Variants in DDHD1 observed in about 807,000 individuals in gnomAD.
DDHD1 encodes the protein DDHD domain containing 1.
DDHD1 carries 49 observed loss-of-function variants against 96.4 expected under a neutral mutation model. That is an observed-to-expected ratio of 0.51 (90% CI 0.40 to 0.64). The LOEUF (loss-of-function observed/expected upper bound fraction) is 0.64. DDHD1 is among the 30% of genes least tolerant of loss of function. The probability of loss-of-function intolerance (pLI) is 0.00; values close to 1 mark genes in which losing one functional copy is unlikely to be tolerated. For missense variants in DDHD1, 1,106 were observed against 1,161.2 expected (o/e 0.95, Z 0.69); for synonymous variants, 442 against 446.5 (o/e 0.99, Z 0.13).
chr14:53,064,200 A>T (rs1332196372), intron 6 of DDHD1, among the ~76,000 whole-genome samples: 1 of 152,098 alleles, frequency 6.6e-6, no homozygotes, highest in African/African-American at 2.4e-5. Flanking sequence ...CCAATCCTTA[A>T]AATTTCATTA....
chr14:53,075,631 A>G (rs1884890093), intron 4 of DDHD1, among the ~76,000 whole-genome samples: 1 of 152,200 alleles, frequency 6.6e-6, no homozygotes. Context: ...TACACTAAAC[A>G]ACATATTCTC....
At chr14:53,134,573 C>T (rs531878911) in intron 1 of DDHD1, among the ~76,000 whole-genome samples, 1 of 149,542 alleles carries the variant, frequency 6.7e-6, no homozygotes, top group Admixed American at 6.7e-5. Flanking sequence ...CCAGAACCAC[C>T]GAGGCCTCGA....
At chr14:53,064,675 A>G (rs1883870597) in intron 6 of DDHD1, among the ~76,000 whole-genome samples, 1 of 152,142 alleles carries the variant, frequency 6.6e-6, no homozygotes, top group Non-Finnish European at 1.5e-5. Flanking sequence ...ATCTGTTTTA[A>G]TAATTATACA....
chr14:53,116,438 A>T (rs1214222062), intron 1 of DDHD1, among the ~76,000 whole-genome samples: 1 of 152,236 alleles, frequency 6.6e-6, no homozygotes, highest in Non-Finnish European at 1.5e-5. Flanking sequence ...TCAGTGCCAC[A>T]TAGCACTTAT....
At chr14:53,066,256 C>CCA (rs1884001285) in intron 6 of DDHD1, among the ~76,000 whole-genome samples, 1 of 152,014 alleles carries the variant, frequency 6.6e-6, no homozygotes, top group Non-Finnish European at 1.5e-5. Flanking sequence ...GGTTCAAGTG[C>CCA]TTCTCCTGCC....
intron 11 of DDHD1, among the ~76,000 whole-genome samples, chr14:53,052,211 C>T (rs1261473747): frequency 6.7e-6 from 1 of 148,556 alleles, no homozygotes; most frequent in Non-Finnish European, 1.5e-5. Flanking sequence ...CTAAAAGAAA[C>T]AGATCTTTGC....
intron 2 of DDHD1, among the ~76,000 whole-genome samples, chr14:53,102,175 T>G (rs1374582975): frequency 6.6e-6 from 1 of 152,114 alleles, no homozygotes; most frequent in Non-Finnish European, 1.5e-5. Flanking sequence ...AAAAGGTCTA[T>G]CCTTCAAATA....
At chr14:53,132,194 A>C (rs1198959749) in intron 1 of DDHD1, among the ~76,000 whole-genome samples, 1 of 151,854 alleles carries the variant, frequency 6.6e-6, no homozygotes, top group Non-Finnish European at 1.5e-5. Context: ...TTCATTACAC[A>C]CAGCCAAAGC....
At chr14:53,062,031 T>C (rs889839656) in intron 7 of DDHD1, among the ~76,000 whole-genome samples, 3 of 110,110 alleles carry the variant, frequency 2.7e-5, no homozygotes, top group Non-Finnish European at 5.2e-5. Context: ...CAAGACTCCG[T>C]CTCCAAAAAA....
In DDHD1 at chr14:53,106,589, G is replaced by A. The variant is rs143019537; in HGVS notation, c.839-2733C>T. On this transcript the variant is annotated intron_variant, in intron 1 of 12. Coordinates refer to ENST00000673822, the MANE Select transcript of DDHD1 (RefSeq NM_001160148.2). ...TGAGAATTACTTGAACCTGGGAGGC[G>A]GAGGTTGCAGTGAGCCAAGATCATG... 1.0e-3 allele frequency among the ~76,000 whole-genome samples: 159 copies of A among 152,180 alleles called. 1 individual carries two copies. In the East Asian group the frequency reaches 0.024, roughly 23 times the overall value.
chr14:53,068,778 G>C (rs1483479019), intron 6 of DDHD1, among the ~76,000 whole-genome samples: 1 of 151,924 alleles, frequency 6.6e-6, no homozygotes, highest in African/African-American at 2.4e-5. Flanking sequence ...TTTCTTAAAC[G>C]AATTATCAGT....
chr14:53,125,590 T>C (rs1269383000), intron 1 of DDHD1, among the ~76,000 whole-genome samples: 1 of 152,206 alleles, frequency 6.6e-6, no homozygotes, highest in Non-Finnish European at 1.5e-5. Context: ...ACAGTGTCAT[T>C]CAAACTTTTC....
At chr14:53,080,224 G>A (rs1885341685) in intron 4 of DDHD1, among the ~76,000 whole-genome samples, 1 of 152,114 alleles carries the variant, frequency 6.6e-6, no homozygotes, top group South Asian at 2.1e-4. Flanking sequence ...AGCTGGGTGT[G>A]GTGGTGTGCA....
chr14:53,115,329 C>T (rs1360573940), intron 1 of DDHD1, among the ~76,000 whole-genome samples: 1 of 152,094 alleles, frequency 6.6e-6, no homozygotes, highest in Non-Finnish European at 1.5e-5. Context: ...GAGAACTTCC[C>T]CAGCCTAGCA....
intron 1 of DDHD1, among the ~76,000 whole-genome samples, chr14:53,107,274 T>C (rs1348761868): frequency 3.3e-5 from 5 of 152,222 alleles, no homozygotes; most frequent in Non-Finnish European, 5.9e-5. Flanking sequence ...TCACCACTCT[T>C]GCGCTTTGGA....
intron 1 of DDHD1, among the ~76,000 whole-genome samples, chr14:53,128,716 A>T (rs1412048714): frequency 6.6e-6 from 1 of 152,208 alleles, no homozygotes; most frequent in Non-Finnish European, 1.5e-5. Flanking sequence ...AAAGTCTATC[A>T]CTTCTACCTA....
intron 3 of DDHD1, 63 bp from the exon 4 acceptor site, chr14:53,091,995 G>A: frequency 4.1e-6 from 6 of 1,476,902 alleles, no homozygotes; most frequent in Admixed American, 4.3e-5. Context: ...TCCACAATAT[G>A]TTAAAAGAAA....
At chr14:53,052,739 A>G (rs1355988702) in intron 11 of DDHD1, 1 of 152,010 alleles carries the variant, frequency 6.6e-6, no homozygotes, top group Non-Finnish European at 1.5e-5. Context: ...TATGTATAAT[A>G]TATAAGTATG....
At chr14:53,073,693 G>A (rs200834462) in intron 5 of DDHD1, 48 bp downstream of exon 5, 3 of 1,492,818 alleles carry the variant, frequency 2.0e-6, no homozygotes, top group Admixed American at 2.1e-5. Context: ...ATTTATTTTG[G>A]TAAAAGTTTG....
Sources: allele counts gnomAD v4.1 joint callset (sites outside exome capture counted in the v4.1 genomes callset), GRCh38; gene constraint gnomAD v4.1.1; transcripts MANE v1.5; gene names NCBI Gene and HGNC (gene_info 2026-07-23, HGNC 2026-07-21).